The following MCF2L2 variants were observed in gnomAD, a reference collection of about 807,000 sequenced individuals.
MCF2L2 encodes MCF.2 cell line derived transforming sequence-like 2.
In MCF2L2, 102 loss-of-function variants were observed where a neutral mutation model predicts 150.2. The observed-to-expected ratio is 0.68, with a 90% CI of 0.58 to 0.80. MCF2L2 has a LOEUF of 0.80. Among genes scored for constraint, MCF2L2 ranks in the 30% least tolerant of loss-of-function variants. The pLI is 0.00. For missense variants in MCF2L2, 1,256 were observed against 1,372.8 expected (o/e 0.91, Z 1.34); for synonymous variants, 465 against 491.3 (o/e 0.95, Z 0.71).
intron 7 of MCF2L2, among the ~76,000 whole-genome samples, chr3:183,316,984 G>A (rs1052630003): frequency 3.3e-5 from 5 of 152,194 alleles, no homozygotes; most frequent in African/African-American, 1.2e-4. Flanking sequence ...GGGATTACAG[G>A]CGTGAACCAA....
At position 183,388,990 on chromosome 3, in the gene MCF2L2, C is replaced by T. The variant is rs141341575; in HGVS notation, c.160+706G>A. Among the ~76,000 whole-genome samples the T allele has an allele frequency of 7.2e-5, 11 of 152,168 alleles. No individual in the cohort carries two copies. The East Asian group carries it at 2.1e-3, about 29-fold the overall frequency. ...TGTAAAAGTTGAAAAGAGTAACTTG[C>T]CACTTTATCCCTCCATGTTATATAC... On this transcript the variant is annotated intron_variant, in intron 2 of 29. Coordinates refer to ENST00000328913, the MANE Select transcript of MCF2L2 (RefSeq NM_015078.4).
At chr3:183,244,156 T>A (rs1427138958) in intron 15 of MCF2L2, among the ~76,000 whole-genome samples, 4 of 150,810 alleles carry the variant, frequency 2.7e-5, no homozygotes, top group Admixed American at 2.0e-4. Context: ...AAGAAATCCA[T>A]CCTTAAAATT....
intron 1 of MCF2L2, among the ~76,000 whole-genome samples, chr3:183,399,533 T>TGC (rs1389555717): frequency 6.6e-6 from 1 of 152,254 alleles, no homozygotes; most frequent in African/African-American, 2.4e-5. Flanking sequence ...ACATCTGTCC[T>TGC]GCTGGCTTCC....
At chr3:183,182,449 C>T (rs1016610849) in intron 27 of MCF2L2, 1 of 152,316 alleles carries the variant, frequency 6.6e-6, no homozygotes, top group East Asian at 1.9e-4. Flanking sequence ...AGCATACACG[C>T]AGAAACACAT....
At chr3:183,314,273 G>A (rs1729505328) in intron 7 of MCF2L2, among the ~76,000 whole-genome samples, 1 of 152,168 alleles carries the variant, frequency 6.6e-6, no homozygotes, top group Admixed American at 6.5e-5. Context: ...CTGGGGGAAA[G>A]AATTTATGTT....
intron 20 of MCF2L2, among the ~76,000 whole-genome samples, chr3:183,222,433 T>G (rs1042119271): frequency 1.3e-5 from 2 of 151,944 alleles, no homozygotes. Flanking sequence ...GCCTGTAATC[T>G]CAGCTACTTG....
At chr3:183,214,574 C>T (rs1355851369) in intron 22 of MCF2L2, among the ~76,000 whole-genome samples, 1 of 151,668 alleles carries the variant, frequency 6.6e-6, no homozygotes, top group East Asian at 1.9e-4. Context: ...CTACCAAGAC[C>T]TCAATACATG....
chr3:183,302,193 G>C (rs1366662133), intron 10 of MCF2L2, among the ~76,000 whole-genome samples: 1 of 152,144 alleles, frequency 6.6e-6, no homozygotes, highest in Non-Finnish European at 1.5e-5. Context: ...GCTTGTGCCT[G>C]GTTTCCTCCA....
intron 5 of MCF2L2, among the ~76,000 whole-genome samples, chr3:183,336,942 A>T (rs1455897129): frequency 6.6e-6 from 1 of 151,664 alleles, no homozygotes; most frequent in Non-Finnish European, 1.5e-5. Flanking sequence ...ACCACCCCTC[A>T]TCCCTAACAG....
chr3:183,367,211 T>TTTTCTTTC (rs765523971), intron 3 of MCF2L2, among the ~76,000 whole-genome samples: 1 of 151,822 alleles, frequency 6.6e-6, no homozygotes, highest in Non-Finnish European at 1.5e-5. Context: ...TAATGATTTC[T>TTTTCTTTC]TTTCTTTCTT....
chr3:183,294,133 C>T (rs546456567), intron 13 of MCF2L2, among the ~76,000 whole-genome samples: 2 of 152,180 alleles, frequency 1.3e-5, no homozygotes, highest in African/African-American at 2.4e-5. Flanking sequence ...AAAAGAACAA[C>T]GTTGGAACAT....
chr3:183,351,353 C>T (rs1258774727), intron 3 of MCF2L2, among the ~76,000 whole-genome samples: 2 of 150,944 alleles, frequency 1.3e-5, no homozygotes, highest in Non-Finnish European at 3.0e-5. Context: ...CAGGCTAGCT[C>T]TGATGTTAAT....
In MCF2L2 at chr3:183,296,989, G is replaced by A. The variant is rs760920979; in HGVS notation, c.1484C>T (p.Thr495Ile). The change falls in exon 12 of 30, where the codon ACC becomes ATC. Residue 495 changes from threonine to isoleucine, a missense_variant. Transcript: ENST00000328913. ...CGGAAGCATTACCTTTGCATCGAGG[G>A]TGAGCAGCAACTCAAACTCGTTGTA... is the stretch of plus-strand genomic sequence containing the variant. ...EFYNEFELLL[T>I]LDAKAKAQKV... 1.2e-5 allele frequency: 20 copies of A among 1,613,678 alleles called. No individual in the cohort carries two copies. Among genetic ancestry groups the A allele is most frequent in the Non-Finnish European group, 1.6e-5 (19 of 1,179,834 alleles).
rs545297449 is a variant in MCF2L2, at chr3:183,197,777, T to G, written c.2885-2522A>C. Among the ~76,000 whole-genome samples, 5 of 152,154 alleles carry G rather than the reference T, an allele frequency of 3.3e-5. No homozygotes were observed. In the South Asian group the frequency reaches 1.0e-3, roughly 32 times the overall value. On this transcript the variant is annotated intron_variant, in intron 25 of 29. Coordinates refer to ENST00000328913, the MANE Select transcript of MCF2L2 (RefSeq NM_015078.4). This position sits in a 1 kb window ranked among gnomAD's most constrained non-coding sequence, Gnocchi z 4.5. Reference sequence around the variant, plus strand: ...AATAAGAAAACAATGAGCAAAAGATTTGAACAGACACTTCACCAAAGAAGA... The same window carrying G: ...AATAAGAAAACAATGAGCAAAAGATGTGAACAGACACTTCACCAAAGAAGA...
chr3:183,247,701 A>C (rs1724320571), intron 15 of MCF2L2, among the ~76,000 whole-genome samples: 1 of 152,216 alleles, frequency 6.6e-6, no homozygotes, highest in African/African-American at 2.4e-5. Flanking sequence ...AATTAAAATA[A>C]TGCAAATTTT....
intron 3 of MCF2L2, among the ~76,000 whole-genome samples, chr3:183,359,178 C>A (rs377658520): frequency 6.4e-4 from 97 of 152,286 alleles, no homozygotes; most frequent in African/African-American, 2.1e-3. Flanking sequence ...ATTGACTGCA[C>A]TGATGAGACA....
chr3:183,239,527 T>G (rs977488737), intron 15 of MCF2L2, among the ~76,000 whole-genome samples: 3 of 152,132 alleles, frequency 2.0e-5, no homozygotes, highest in African/African-American at 7.2e-5. Flanking sequence ...AAGTTTCTTC[T>G]TTGTTCATGT....
At chr3:183,352,341 G>A (rs548456584) in intron 3 of MCF2L2, among the ~76,000 whole-genome samples, 7 of 152,122 alleles carry the variant, frequency 4.6e-5, no homozygotes, top group African/African-American at 1.7e-4. Context: ...TGGCCAACAT[G>A]GCAAAACCCC....
intron 1 of MCF2L2, among the ~76,000 whole-genome samples, chr3:183,414,016 A>T (rs1469404535): frequency 6.6e-6 from 1 of 152,152 alleles, no homozygotes; most frequent in African/African-American, 2.4e-5. Flanking sequence ...TATATTCATA[A>T]GAGATTTAGC....
Sources: allele counts gnomAD v4.1 joint callset (sites outside exome capture counted in the v4.1 genomes callset), GRCh38; gene constraint gnomAD v4.1.1; non-coding constraint Gnocchi (gnomAD v3.1); transcripts MANE v1.5; gene names NCBI Gene and HGNC (gene_info 2026-07-23, HGNC 2026-07-21).